Variants in VPS37C observed in about 807,000 individuals in gnomAD.
VPS37C encodes the protein VPS37C subunit of ESCRT-I.
Under a neutral mutation model 16.1 loss-of-function variants are expected in VPS37C, and 9 were observed. The observed-to-expected ratio is 0.56, with a 90% CI of 0.34 to 0.97. The LOEUF (loss-of-function observed/expected upper bound fraction) is 0.97. VPS37C is among the 50% of genes least tolerant of loss of function. VPS37C has a pLI of 0.02. For missense variants in VPS37C, 479 were observed against 472.7 expected (o/e 1.01, Z -0.12); for synonymous variants, 207 against 206.4 (o/e 1.00, Z -0.02).
chr11:61,149,129 C>CA (rs954635927), intron 1 of VPS37C, among the ~76,000 whole-genome samples: 7 of 152,164 alleles, frequency 4.6e-5, no homozygotes, highest in Non-Finnish European at 1.0e-4. Flanking sequence ...ACTAAAAATA[C>CA]AAAAAAGTTA....
chr11:61,150,977 C>A (rs564884117), intron 1 of VPS37C, among the ~76,000 whole-genome samples: 2 of 152,200 alleles, frequency 1.3e-5, no homozygotes, highest in Admixed American at 1.3e-4. Context: ...TAAGGTAATC[C>A]TCACCGCTCC....
intron 1 of VPS37C, 52 bp from the exon 2 acceptor site, chr11:61,138,887 A>C (rs1048557630): frequency 4.5e-6 from 7 of 1,544,348 alleles, no homozygotes; most frequent in East Asian, 4.5e-5. Flanking sequence ...AGACGAAGGG[A>C]CCCCCGAGCC....
intron 1 of VPS37C, among the ~76,000 whole-genome samples, chr11:61,155,203 AC>A (rs1853360334): frequency 6.6e-6 from 1 of 151,924 alleles, no homozygotes. Context: ...AAATAAACAG[AC>A]CAGGTGTGGT....
chr11:61,132,311 G>T lies in VPS37C; in HGVS notation c.577C>A (p.Gln193Lys). The T allele has an allele frequency of 6.3e-7, 1 of 1,587,306 alleles. No individual in the cohort carries two copies. Among genetic ancestry groups the T allele is most frequent in the Non-Finnish European group, 8.6e-7 (1 of 1,164,452 alleles). The change falls in exon 5 of 5, where the codon CAG becomes AAG. Residue 193 changes from glutamine (Q) to lysine (K), a missense_variant. Transcript: ENST00000301765. ...PQGTPPVVEEQPQPPLAMPPY... is the reference protein window; with the variant it reads ...PQGTPPVVEEKPQPPLAMPPY... ...GGCATGGCTAATGGTGGCTGCGGCT[G>T]CTCTTCAACCACAGGGGGTGTTCCC... is the stretch of plus-strand genomic sequence containing the variant.
rs60006383 is a variant in VPS37C at position 61,153,753 on chromosome 11, G to C, written c.-7+7638C>G. Among the ~76,000 whole-genome samples, 1,446 of 152,304 alleles carry C rather than the reference G, an allele frequency of 9.5e-3. 27 individuals carry two copies. The highest frequency in any genetic ancestry group is 0.032 in the African/African-American group (1,311 of 41,554). ...GTGGAGGAGAGGAATTCACACTCCA[G>C]GGAGGCCAGGGTAGCCAGAGTTCAC... On this transcript the variant is annotated intron_variant, in intron 1 of 4. Transcript: ENST00000301765.
intron 1 of VPS37C, 129 bp from the exon 2 acceptor site, chr11:61,138,964 C>G: frequency 1.2e-6 from 1 of 821,628 alleles, no homozygotes; most frequent in Non-Finnish European, 2.0e-6. Flanking sequence ...CCGGGAGGCT[C>G]GAGGAGAGGC....
intron 1 of VPS37C, among the ~76,000 whole-genome samples, chr11:61,154,147 C>A (rs754244898): frequency 3.3e-5 from 5 of 152,112 alleles, no homozygotes; most frequent in Non-Finnish European, 7.3e-5. Context: ...ACAAAAATAT[C>A]CAGCACCCCA....
chr11:61,149,222 C>T (rs1484193200), intron 1 of VPS37C, among the ~76,000 whole-genome samples: 1 of 152,150 alleles, frequency 6.6e-6, no homozygotes, highest in African/African-American at 2.4e-5. Context: ...GGAGACGGAG[C>T]TTGCAGTGAG....
In VPS37C at chr11:61,133,280, C is replaced by A; in HGVS notation, c.323G>T (p.Gly108Val). ...CTCGGACTCTTCTTCGATCTTCATG[C>A]CTTCCACCTGCAGAAGGTCTAACAA... ...GTLLDLLQVE[G>V]MKIEEESEAM... The change falls in exon 4 of 5, where the codon GGC becomes GTC. Residue 108 changes from glycine to valine, a missense_variant. Transcript: ENST00000301765. 6.2e-7 allele frequency: 1 copy of A among 1,614,190 alleles called. No homozygotes were observed. The highest frequency in any genetic ancestry group is 8.5e-7 in the Non-Finnish European group (1 of 1,180,036).
At chr11:61,138,873 C>T in intron 1 of VPS37C, 38 bp from the exon 2 acceptor site, 6 of 1,601,370 alleles carry the variant, frequency 3.7e-6, no homozygotes, top group Non-Finnish European at 5.1e-6. Context: ...GAACAGGCAG[C>T]CCAAGACGAA....
At chr11:61,155,684 G>T (rs1244518315) in intron 1 of VPS37C, among the ~76,000 whole-genome samples, 3 of 152,044 alleles carry the variant, frequency 2.0e-5, no homozygotes, top group Admixed American at 2.0e-4. Flanking sequence ...CCCAAAAGCT[G>T]AAAGAATCCA....
At position 61,130,832 on chromosome 11, in the gene VPS37C, G is replaced by C. The variant is rs1296339490; in HGVS notation, c.*988C>G. On this transcript the variant is annotated 3_prime_UTR_variant, in exon 5 of 5. Coordinates refer to ENST00000301765, the MANE Select transcript of VPS37C (RefSeq NM_017966.5). The stretch of plus-strand genomic sequence containing the variant: ...AAGTAAAGTTAGGGCCTCTTTTGAT[G>C]CCTGTCTTAGGATGGACACTGGGGG... The C allele has an allele frequency of 4.6e-6, 2 of 438,958 alleles. No homozygotes were observed. Among genetic ancestry groups the C allele is most frequent in the Admixed American group, 5.1e-5 (2 of 39,208 alleles). The allele number at this position is 438,958 out of a possible 1,614,324, so 27.2% of individuals were successfully genotyped here.
chr11:61,132,755 C>T lies in VPS37C; in HGVS notation c.349-216G>A, dbSNP rs1861295067. On this transcript the variant is annotated intron_variant, in intron 4 of 4. Coordinates refer to ENST00000301765, the MANE Select transcript of VPS37C (RefSeq NM_017966.5). ...AGTCCCTTGAAGGCGAGGACTGTCT[C>T]TGTCGTGGTCACCTCTGTCCTGGCA... is the stretch of plus-strand genomic sequence containing the variant. The T allele has an allele frequency of 2.5e-5, 17 of 691,044 alleles. No homozygotes were observed. In the South Asian group the frequency reaches 3.0e-4, roughly 12 times the overall value. The allele number at this position is 691,044 out of a possible 1,614,324, so 42.8% of individuals were successfully genotyped here.
At chr11:61,146,277 G>A (rs1853205495) in intron 1 of VPS37C, among the ~76,000 whole-genome samples, 1 of 152,256 alleles carries the variant, frequency 6.6e-6, no homozygotes, top group African/African-American at 2.4e-5. Context: ...GGATAAATGG[G>A]GGCAGCAGGA....
intron 1 of VPS37C, among the ~76,000 whole-genome samples, chr11:61,146,059 T>G (rs1853202813): frequency 6.6e-6 from 1 of 152,240 alleles, no homozygotes; most frequent in African/African-American, 2.4e-5. Flanking sequence ...CCCAGCAGAC[T>G]GGCTGTCAGA....
chr11:61,151,384 G>C (rs1021161311), intron 1 of VPS37C, among the ~76,000 whole-genome samples: 1 of 152,188 alleles, frequency 6.6e-6, no homozygotes, highest in Non-Finnish European at 1.5e-5. Context: ...GGCAGCACAG[G>C]AGCAGTGCCT....
chr11:61,146,447 G>A (rs890102102), intron 1 of VPS37C, among the ~76,000 whole-genome samples: 6 of 152,260 alleles, frequency 3.9e-5, no homozygotes, highest in African/African-American at 1.4e-4. Flanking sequence ...AACAGAGGCA[G>A]AGACCAACAG....
At chr11:61,147,345 G>A (rs935965087) in intron 1 of VPS37C, among the ~76,000 whole-genome samples, 4 of 152,182 alleles carry the variant, frequency 2.6e-5, no homozygotes, top group African/African-American at 9.7e-5. Flanking sequence ...CAGCCAACTG[G>A]CACCTGTTGC....
chr11:61,141,168 C>T (rs776747397), intron 1 of VPS37C, among the ~76,000 whole-genome samples: 1 of 152,006 alleles, frequency 6.6e-6, no homozygotes, highest in Non-Finnish European at 1.5e-5. Context: ...CAGGAGTTCG[C>T]GACCAGCCTA....
Sources: gnomAD v4.1 joint callset for allele counts (sites outside exome capture counted in the v4.1 genomes callset) on GRCh38, gnomAD v4.1.1 for gene constraint, MANE v1.5 for transcripts, NCBI Gene and HGNC (gene_info 2026-07-23, HGNC 2026-07-21) for gene names.